TSC2: variants seen among roughly 807,000 people sequenced by gnomAD.
TSC2 encodes the protein tuberin.
Under a neutral mutation model 202.2 loss-of-function variants are expected in TSC2, and 29 were observed. That is an observed-to-expected ratio of 0.14 (90% CI 0.11 to 0.20). TSC2 has a LOEUF of 0.20. Ranked by LOEUF, TSC2 falls within the 10% of genes least tolerant of loss-of-function variation. TSC2 has a pLI of 1.00. For missense variants in TSC2, 2,429 were observed against 2,420.0 expected (o/e 1.00, Z -0.08); for synonymous variants, 1,349 against 1,044.0 (o/e 1.29, Z -5.63).
Position 2,054,241 on chromosome 16 carries a change from C to T in TSC2, c.337-55C>T, listed in dbSNP as rs541944853. On this transcript the variant is annotated intron_variant, in intron 4 of 41. Coordinates refer to ENST00000219476, the MANE Select transcript of TSC2 (RefSeq NM_000548.5). The stretch of plus-strand genomic sequence containing the variant: ...CCCCTGCACTTCAGGGACTTCTTGG[C>T]AGCCGTGTGGGCGACGCTGGCAGGC... 3.2e-5 allele frequency: 51 copies of T among 1,613,112 alleles called. 1 individual carries two copies. In the African/African-American group the frequency reaches 5.6e-4, roughly 18 times the overall value.
chr16:2,054,262 C>G, intron 4 of TSC2, 34 bp from the exon 5 acceptor site: 1 of 1,613,964 alleles, frequency 6.2e-7, no homozygotes, highest in East Asian at 2.2e-5. Flanking sequence ...GCGACGCTGG[C>G]AGGCTCTGCT....
chr16:2,088,816 G>A lies in TSC2; in HGVS notation c.*206G>A, dbSNP rs1596466432. ...CCACAGAAGTGGTACACAGAAGCAG[G>A]CACAGCCAGCTCCGAGGGCCTTGAG... On this transcript the variant is annotated 3_prime_UTR_variant, in exon 42 of 42. Transcript: ENST00000219476. 1 of 684,456 alleles carries A rather than the reference G, an allele frequency of 1.5e-6. No individual in the cohort carries two copies. Among genetic ancestry groups the A allele is most frequent in the South Asian group, 1.9e-5 (1 of 52,374 alleles). The allele number at this position is 684,456 out of a possible 1,614,324, so 42.4% of individuals were successfully genotyped here.
chr16:2,057,756 C>G (rs1248222041), intron 9 of TSC2, among the ~76,000 whole-genome samples: 9 of 152,104 alleles, frequency 5.9e-5, no homozygotes, highest in Admixed American at 2.6e-4. Flanking sequence ...GAACCAGGCC[C>G]TGGGGCCAGC....
chr16:2,061,385 A>T (rs2086622692), intron 11 of TSC2: 1 of 303,964 alleles, frequency 3.3e-6, no homozygotes, highest in African/African-American at 2.2e-5. Flanking sequence ...GTCCTCTCAG[A>T]GCCTGTCGCT....
Position 2,062,988 on chromosome 16 carries a change from G to A in TSC2, c.1378G>A (p.Ala460Thr), listed in dbSNP as rs137854154. The change falls in exon 14 of 42, where the codon GCC becomes ACC. Residue 460 changes from alanine (A) to threonine (T), a missense_variant. Physicochemically the swap from Ala to Thr is moderately conservative, Grantham distance 58. Transcript: ENST00000219476. Reference protein sequence around the residue: ...ERFFRSESRGAVRIKVLDVLS... With the variant: ...ERFFRSESRGTVRIKVLDVLS... ...GTCCCGCAGGAGCGAGTCCCGAGGC[G>A]CCGTGCGCATCAAGGTGCTGGACGT... 7.2e-4 allele frequency: 1,122 copies of A among 1,551,020 alleles called. 4 individuals are homozygous for A. The Middle Eastern group carries it at 0.013, about 17-fold the overall frequency.
intron 8 of TSC2, 52 bp downstream of exon 8, chr16:2,056,821 C>G (rs2151083170): frequency 6.2e-7 from 1 of 1,600,604 alleles, no homozygotes; most frequent in Admixed American, 1.7e-5. Context: ...ATGGATGGGA[C>G]AAGGGCCATC....
In TSC2 at chr16:2,080,636, A is replaced by G. The variant is rs944648323; in HGVS notation, c.3610+259A>G. On this transcript the variant is annotated intron_variant, in intron 30 of 41. Coordinates refer to ENST00000219476, the MANE Select transcript of TSC2 (RefSeq NM_000548.5). ...GTAGCTGGGACCACAGGCGCCCGCC[A>G]CCACGCCTGGCCAATTTTTTTGTAT... 44 of 497,648 alleles carry G rather than the reference A, an allele frequency of 8.8e-5. No homozygotes were observed. In the East Asian group the frequency reaches 1.2e-3, roughly 13 times the overall value. 30.8% of individuals were successfully genotyped at this position (497,648 alleles called of 1,614,324 possible). A position where few individuals can be genotyped will look rare whatever the true frequency, so the allele number is the denominator to read the frequency against.
chr16:2,085,084 G>C (rs1459653139), intron 35 of TSC2, 58 bp downstream of exon 35: 2 of 1,607,320 alleles, frequency 1.2e-6, no homozygotes, highest in African/African-American at 2.7e-5. Context: ...GGTGAATGGT[G>C]GGGGGCCCAG....
At chr16:2,086,437 C>G (rs2090802764) in intron 37 of TSC2, 58 bp downstream of exon 37, 4 of 1,584,096 alleles carry the variant, frequency 2.5e-6, no homozygotes, top group Admixed American at 3.6e-5. Flanking sequence ...CGGCTCCCAT[C>G]CAGTCCTGCT....
chr16:2,085,173 G>A (rs1322861960), intron 35 of TSC2, 57 bp from the exon 36 acceptor site: 1 of 1,609,450 alleles, frequency 6.2e-7, no homozygotes, highest in Non-Finnish European at 8.5e-7. Flanking sequence ...CGGCCTGGGT[G>A]GGGCGGCCTC....
Position 2,060,819 on chromosome 16 carries a change from G to T in TSC2, c.1119+6G>T, listed in dbSNP as rs397515305. ...GGCTCCTTCAGCAGCTCCAGGTGGG[G>T]TGGGGGCAGGAGCTCCGGGGAGCAC... On this transcript the variant is annotated splice_donor_region_variant and intron_variant, in intron 11 of 41. Coordinates refer to ENST00000219476, the MANE Select transcript of TSC2 (RefSeq NM_000548.5). 1.9e-6 allele frequency: 3 copies of T among 1,613,098 alleles called. No homozygotes were observed. Among genetic ancestry groups the T allele is most frequent in the Non-Finnish European group, 2.5e-6 (3 of 1,179,954 alleles).
At chr16:2,075,250 G>C (rs563267597) in intron 22 of TSC2, 1 of 153,926 alleles carries the variant, frequency 6.5e-6, no homozygotes, top group African/African-American at 2.5e-5. Flanking sequence ...AAGTGAGGCC[G>C]GGCACGGTGG....
intron 8 of TSC2, 91 bp from the exon 9 acceptor site, chr16:2,057,014 T>C (rs2085934690): frequency 6.6e-7 from 1 of 1,507,238 alleles, no homozygotes; most frequent in Non-Finnish European, 9.0e-7. Flanking sequence ...TGGGTGGCTA[T>C]AGGGCAGCAG....
At chr16:2,065,461 C>T (rs1384359814) in intron 15 of TSC2, 58 bp from the exon 16 acceptor site, 2 of 989,296 alleles carry the variant, frequency 2.0e-6, no homozygotes, top group Admixed American at 3.5e-5. Context: ...AAAGTGTTCT[C>T]ACGGCTGCTG....
At chr16:2,059,714 T>C (rs2086395555) in intron 10 of TSC2, among the ~76,000 whole-genome samples, 1 of 152,064 alleles carries the variant, frequency 6.6e-6, no homozygotes, top group Non-Finnish European at 1.5e-5. Context: ...AGACTGGGTT[T>C]CTCCACATTG....
At chr16:2,050,374 CT>C in intron 2 of TSC2, 25 bp from the exon 3 acceptor site, 1 of 1,612,602 alleles carries the variant, frequency 6.2e-7, no homozygotes, top group Non-Finnish European at 8.5e-7. Context: ...GCACTGGCCC[CT>C]TTTTCTTCTT....
At chr16:2,072,177 GC>G (rs1464139863) in intron 19 of TSC2, 63 bp from the exon 20 acceptor site, 7 of 1,609,634 alleles carry the variant, frequency 4.3e-6, no homozygotes, top group Non-Finnish European at 5.9e-6. Flanking sequence ...AGCCTCAGAT[GC>G]TAGCTTCCGC....
Position 2,058,630 on chromosome 16 carries a change from C to T in TSC2, c.849-117C>T, listed in dbSNP as rs556894195. The T allele has an allele frequency of 5.9e-5, 87 of 1,470,408 alleles. 2 individuals are homozygous for T. The highest frequency in any genetic ancestry group is 5.1e-4 in the South Asian group (42 of 82,118). The allele number at this position is 1,470,408 out of a possible 1,614,324, so 91.1% of individuals were successfully genotyped here. ...CCCTTCCCCAGCGGTGCTCCTGCCC[C>T]CCCCAAGCACAGGGACCTCTGGGGC... On this transcript the variant is annotated intron_variant, in intron 9 of 41. Coordinates refer to ENST00000219476, the MANE Select transcript of TSC2 (RefSeq NM_000548.5).
Position 2,089,484 on chromosome 16 carries a change from G to A in TSC2, c.*874G>A. The stretch of plus-strand genomic sequence containing the variant: ...GGGGAAATAAATTAGCATCTCAGAG[G>A]CTAGAAACCGTCCAATACTGCTGTG... On this transcript the variant is annotated 3_prime_UTR_variant, in exon 42 of 42. Coordinates refer to ENST00000219476, the MANE Select transcript of TSC2 (RefSeq NM_000548.5). The A allele has an allele frequency of 3.5e-6, 2 of 576,380 alleles. No individual in the cohort carries two copies. The highest frequency in any genetic ancestry group is 2.9e-5 in the East Asian group (1 of 34,712). The allele number at this position is 576,380 out of a possible 1,614,324, so 35.7% of individuals were successfully genotyped here.
Sources: gnomAD v4.1 joint callset for allele counts (sites outside exome capture counted in the v4.1 genomes callset) on GRCh38, gnomAD v4.1.1 for gene constraint, MANE v1.5 for transcripts, NCBI Gene and HGNC (gene_info 2026-07-23, HGNC 2026-07-21) for gene names.